Variants in TIGD4 observed in about 807,000 individuals in gnomAD.
TIGD4 encodes the protein tigger transposable element-derived protein 4.
In TIGD4, 20 loss-of-function variants were observed where a neutral mutation model predicts 24.9. The ratio of observed to expected loss-of-function variants is 0.80; its 90% confidence interval spans 0.56 to 1.17. The LOEUF is 1.17. Ranked by LOEUF, TIGD4 falls within the 50% of genes most tolerant of loss-of-function variation. The pLI is 0.00. For missense variants in TIGD4, 566 were observed against 591.0 expected, an observed-to-expected ratio of 0.96 and a Z score of 0.44; for synonymous variants, 193 against 211.0, an observed-to-expected ratio of 0.91 and a Z score of 0.74.
In TIGD4 at chr4:152,770,751, G is replaced by C. The variant is rs1296285113; in HGVS notation, c.254C>G (p.Thr85Arg). ...KRKRLRTAFY[T>R]DLEEALMRWY... ...TCTCATTAATGCCTCTTCCAGATCT[G>C]TGTAAAAAGCAGTTCTCAGTCTTTT... is the stretch of plus-strand genomic sequence containing the variant. The change falls in exon 2 of 2, where the codon ACA becomes AGA. Residue 85 changes from threonine (T) to arginine (R), a missense_variant. Coordinates refer to ENST00000304337, the MANE Select transcript of TIGD4 (RefSeq NM_145720.4). 1 of 1,612,904 alleles carries C rather than the reference G, an allele frequency of 6.2e-7. No homozygotes were observed. The highest frequency in any genetic ancestry group is 8.5e-7 in the Non-Finnish European group (1 of 1,179,690).
At chr4:152,775,644 C>T (rs558943072) in intron 1 of TIGD4, among the ~76,000 whole-genome samples, 1 of 152,320 alleles carries the variant, frequency 6.6e-6, no homozygotes, top group Admixed American at 6.5e-5. Flanking sequence ...GAACATTCCT[C>T]CTGTAGAGTC....
At position 152,770,906 on chromosome 4, in the gene TIGD4, C is replaced by T. The variant is rs1561084947; in HGVS notation, c.99G>A (p.Val33=). 1.2e-6 allele frequency: 2 copies of T among 1,613,906 alleles called. No homozygotes were observed. Among genetic ancestry groups the T allele is most frequent in the Admixed American group, 1.7e-5 (1 of 60,010 alleles). The change falls in exon 2 of 2, where the codon GTG becomes GTA. Residue 33 remains valine (V), a synonymous_variant. Transcript: ENST00000304337. ...TCTCTGCTTTTTTCTTGCCACTTTC[C>T]ACTGCATTTATGATGTCGATCTTTT... is the stretch of plus-strand genomic sequence containing the variant. The part of the protein sequence containing the change: ...IEEKIDIINA[V]ESGKKKAEIA...
At chr4:152,774,917 ATTT>A (rs35363005) in intron 1 of TIGD4, among the ~76,000 whole-genome samples, 1 of 145,340 alleles carries the variant, frequency 6.9e-6, no homozygotes, top group Non-Finnish European at 1.5e-5. Flanking sequence ...TATATCAAGG[ATTT>A]TTTTTTTTTT....
chr4:152,772,587 C>A (rs1730195629), intron 1 of TIGD4, among the ~76,000 whole-genome samples: 1 of 152,112 alleles, frequency 6.6e-6, no homozygotes, highest in East Asian at 1.9e-4. Flanking sequence ...TGGTGATGAT[C>A]TCATCATCAT....
Position 152,770,586 on chromosome 4 carries a change from T to C in TIGD4, c.419A>G (p.Tyr140Cys). The C allele has an allele frequency of 6.2e-7, 1 of 1,609,610 alleles. No individual in the cohort carries two copies. The highest frequency in any genetic ancestry group is 8.5e-7 in the Non-Finnish European group (1 of 1,177,856). ...AGGTTGAGCTCTGAATACTAAACCA[T>C]ACCTGGATTTAAAACGATCCAGCCA... ...NGWLDRFKSR[Y>C]GLVFRAQPVE... The change falls in exon 2 of 2, where the codon TAT (tyrosine) becomes TGT (cysteine). Residue 140 changes from tyrosine to cysteine, a missense_variant. Tyr to Cys is a radical substitution (Grantham distance 194). Transcript: ENST00000304337.
In TIGD4 at chr4:152,770,927, C is replaced by A. The variant is rs766620158; in HGVS notation, c.78G>T (p.Lys26Asn). Residue 26 changes from lysine (K) to asparagine (N), a missense_variant, in exon 2 of 2, where the codon AAG (lysine) becomes AAT (asparagine). Physicochemically the swap from Lys to Asn is moderately conservative, Grantham distance 94. Transcript: ENST00000304337. ...TTTCCACTGCATTTATGATGTCGAT[C>A]TTTTCCTCAATGGATAGGCTTTTCT... is the stretch of plus-strand genomic sequence containing the variant. ...KKKKSLSIEE[K>N]IDIINAVESG... The A allele has an allele frequency of 1.9e-6, 3 of 1,613,772 alleles. No homozygotes were observed. The highest frequency in any genetic ancestry group is 2.5e-6 in the Non-Finnish European group (3 of 1,179,914).
Position 152,769,986 on chromosome 4 carries a change from C to A in TIGD4, c.1019G>T (p.Ser340Ile). The change falls in exon 2 of 2, where the codon AGC becomes ATC. Residue 340 changes from serine to isoleucine, a missense_variant. Transcript: ENST00000304337. Reference protein sequence around the residue: ...YRHCLIKKFLSSVEGSKEFTF... With the variant: ...YRHCLIKKFLISVEGSKEFTF... ...AAATTCTTTGCTACCTTCAACAGAGCTTAAAAATTTCTTGATAAGACAGTG... is the reference window on the plus strand; with the variant it reads ...AAATTCTTTGCTACCTTCAACAGAGATTAAAAATTTCTTGATAAGACAGTG... The A allele has an allele frequency of 6.2e-7, 1 of 1,610,268 alleles. No individual in the cohort carries two copies. Among genetic ancestry groups the A allele is most frequent in the Non-Finnish European group, 8.5e-7 (1 of 1,177,520 alleles).
chr4:152,776,498 T>A (rs1046713302), intron 1 of TIGD4, among the ~76,000 whole-genome samples: 9 of 152,178 alleles, frequency 5.9e-5, no homozygotes, highest in African/African-American at 2.2e-4. Flanking sequence ...TCAGAATCTC[T>A]AGGAGTAATG....
intron 1 of TIGD4, among the ~76,000 whole-genome samples, chr4:152,774,303 C>T (rs1405297574): frequency 3.3e-5 from 5 of 152,290 alleles, no homozygotes; most frequent in Middle Eastern, 3.4e-3. Context: ...TAACATTAGT[C>T]AAAGCTACAA....
intron 1 of TIGD4, among the ~76,000 whole-genome samples, chr4:152,776,940 T>C (rs1039471812): frequency 1.3e-5 from 2 of 152,100 alleles, no homozygotes; most frequent in South Asian, 4.1e-4. Context: ...GCATCTGAAC[T>C]CAACTGTAAA....
chr4:152,770,985 T>G lies in TIGD4; in HGVS notation c.20A>C (p.Asp7Ala), dbSNP rs201769674. 183 of 1,602,480 alleles carry G rather than the reference T, an allele frequency of 1.1e-4. 1 individual carries two copies. Among genetic ancestry groups the G allele is most frequent in the South Asian group, 2.6e-4 (23 of 87,632 alleles). Residue 7 changes from aspartate to alanine, a missense_variant, in exon 2 of 2, where the codon GAT (aspartate) becomes GCT (alanine). Transcript: ENST00000304337. The stretch of plus-strand genomic sequence containing the variant: ...CACTGTTACAGGCAGAGTTGAGGCA[T>G]CCACAGAAGCTTCTGCCATCTCAGC... MAEASV[D>A]ASTLPVTVKK...
At chr4:152,776,283 C>G (rs1260670203) in intron 1 of TIGD4, among the ~76,000 whole-genome samples, 1 of 151,864 alleles carries the variant, frequency 6.6e-6, no homozygotes, top group Non-Finnish European at 1.5e-5. Flanking sequence ...ATACATTGAC[C>G]AAAATGTTGA....
intron 1 of TIGD4, among the ~76,000 whole-genome samples, chr4:152,773,651 A>AAAT (rs1730215692): frequency 6.7e-6 from 1 of 149,014 alleles, no homozygotes; most frequent in African/African-American, 2.5e-5. Flanking sequence ...TTAAAAAAAA[A>AAAT]AAAAAAAAAA....
At chr4:152,777,876 T>C (rs1315250115) in intron 1 of TIGD4, among the ~76,000 whole-genome samples, 1 of 152,176 alleles carries the variant, frequency 6.6e-6, no homozygotes, top group Non-Finnish European at 1.5e-5. Context: ...AAGTAGTTTC[T>C]AGTGTTTTCT....
At chr4:152,773,548 C>G (rs1730213434) in intron 1 of TIGD4, among the ~76,000 whole-genome samples, 2 of 149,314 alleles carry the variant, frequency 1.3e-5, no homozygotes, top group Non-Finnish European at 3.0e-5. Context: ...AACTATATTA[C>G]AGTATCTTTG....
chr4:152,774,917 ATT>A (rs35363005), intron 1 of TIGD4, among the ~76,000 whole-genome samples: 277 of 145,142 alleles, frequency 1.9e-3, no homozygotes, highest in Admixed American at 2.3e-3. Context: ...TATATCAAGG[ATT>A]TTTTTTTTTT....
rs139581872 is a variant in TIGD4, at chr4:152,770,682, G to A, written c.323C>T (p.Pro108Leu). The part of the protein sequence containing the change: ...AQCLNVPVNG[P>L]MLRLKANDFA... ...ATCATTAGCTTTTAGACGTAACATCGGACCATTAACTGGTACATTTAGACA... is the reference window on the plus strand; with the variant it reads ...ATCATTAGCTTTTAGACGTAACATCAGACCATTAACTGGTACATTTAGACA... The change falls in exon 2 of 2, where the codon CCG becomes CTG. Residue 108 changes from proline to leucine, a missense_variant. Pro to Leu is a moderately conservative substitution (Grantham distance 98). Coordinates refer to ENST00000304337, the MANE Select transcript of TIGD4 (RefSeq NM_145720.4). 73 of 1,611,856 alleles carry A rather than the reference G, an allele frequency of 4.5e-5. No homozygotes were observed. The highest frequency in any genetic ancestry group is 7.7e-5 in the South Asian group (7 of 90,476).
chr4:152,775,382 C>A (rs1425642388), intron 1 of TIGD4, among the ~76,000 whole-genome samples: 2 of 152,158 alleles, frequency 1.3e-5, no homozygotes, highest in Non-Finnish European at 2.9e-5. Flanking sequence ...CAGGTGGGCT[C>A]AACTGGGTCC....
At chr4:152,777,621 GGAA>G (rs1339527827) in intron 1 of TIGD4, among the ~76,000 whole-genome samples, 2 of 148,822 alleles carry the variant, frequency 1.3e-5, no homozygotes, top group African/African-American at 5.0e-5. Flanking sequence ...AAGAAAAAGA[GGAA>G]GAAGGAAGGA....
Sources: gnomAD v4.1 joint callset for allele counts (sites outside exome capture counted in the v4.1 genomes callset) on GRCh38, gnomAD v4.1.1 for gene constraint, MANE v1.5 for transcripts, NCBI Gene and HGNC (gene_info 2026-07-23, HGNC 2026-07-21) for gene names.